The following SNTB2 variants were observed in gnomAD, a reference collection of about 807,000 sequenced individuals.
SNTB2 encodes syntrophin beta 2, also known as beta-2-syntrophin.
Under a neutral mutation model 46.2 loss-of-function variants are expected in SNTB2, and 34 were observed. That is an observed-to-expected ratio of 0.74 (90% CI 0.56 to 0.98). SNTB2 has a LOEUF of 0.98. Ranked by LOEUF, SNTB2 falls within the 50% of genes least tolerant of loss-of-function variation. SNTB2 has a pLI of 0.00. For synonymous variants in SNTB2, 290 were observed against 312.6 expected (o/e 0.93, Z 0.76); for missense variants, 603 against 731.4 (o/e 0.82, Z 2.02).
At chr16:69,193,802 A>G (rs1964079004) in intron 1 of SNTB2, among the ~76,000 whole-genome samples, 1 of 152,208 alleles carries the variant, frequency 6.6e-6, no homozygotes, top group Admixed American at 6.5e-5. Context: ...TCGGGACTTC[A>G]GGAAGAGCTG....
intron 2 of SNTB2, among the ~76,000 whole-genome samples, chr16:69,256,579 T>G (rs1000348373): frequency 2.0e-5 from 3 of 152,220 alleles, no homozygotes; most frequent in African/African-American, 7.2e-5. Flanking sequence ...TTATTTCTTC[T>G]TTCGTGACTG....
chr16:69,213,079 A>T (rs1316587163), intron 1 of SNTB2, among the ~76,000 whole-genome samples: 2 of 152,178 alleles, frequency 1.3e-5, no homozygotes, highest in African/African-American at 2.4e-5. Flanking sequence ...GCAGAGTGAC[A>T]GTGGCAAGTC....
At chr16:69,248,360 G>A (rs934500410) in intron 2 of SNTB2, among the ~76,000 whole-genome samples, 5 of 151,912 alleles carry the variant, frequency 3.3e-5, no homozygotes, top group Admixed American at 2.6e-4. Flanking sequence ...TGGGCTGGGC[G>A]AGGTGGCTCA....
intron 5 of SNTB2, among the ~76,000 whole-genome samples, chr16:69,284,705 C>CG (rs1326186414): frequency 4.0e-4 from 61 of 152,098 alleles, no homozygotes; most frequent in Non-Finnish European, 6.8e-4. Context: ...ACTCGGGAGG[C>CG]GGAGGTTGCA....
chr16:69,240,373 C>CTG (rs1964599378), intron 1 of SNTB2, among the ~76,000 whole-genome samples: 1 of 152,290 alleles, frequency 6.6e-6, no homozygotes, highest in South Asian at 2.1e-4. Flanking sequence ...GAGACTTGAG[C>CTG]TGAAAGACAC....
At chr16:69,252,985 C>T (rs1365803566) in intron 2 of SNTB2, among the ~76,000 whole-genome samples, 3 of 151,266 alleles carry the variant, frequency 2.0e-5, no homozygotes, top group Admixed American at 2.0e-4. Flanking sequence ...CTGCAAGCTC[C>T]ACCTCCCGGG....
chr16:69,287,107 T>C (rs559964719), intron 5 of SNTB2, among the ~76,000 whole-genome samples: 81 of 152,316 alleles, frequency 5.3e-4, no homozygotes, highest in African/African-American at 1.9e-3. Flanking sequence ...GGAAATAAGG[T>C]TGGTTTCTTT....
At chr16:69,237,246 G>GA (rs1224665896) in intron 1 of SNTB2, among the ~76,000 whole-genome samples, 2 of 150,392 alleles carry the variant, frequency 1.3e-5, no homozygotes, top group African/African-American at 4.9e-5. Flanking sequence ...GATAGGAGGA[G>GA]AAAAAAGGCA....
intron 1 of SNTB2, among the ~76,000 whole-genome samples, chr16:69,209,909 A>G (rs1438190940): frequency 6.6e-6 from 1 of 152,148 alleles, no homozygotes; most frequent in Non-Finnish European, 1.5e-5. Context: ...TCAAAATGCT[A>G]AAAGTTTAGC....
intron 5 of SNTB2, among the ~76,000 whole-genome samples, chr16:69,289,822 T>A (rs559969793): frequency 6.6e-6 from 1 of 152,178 alleles, no homozygotes; most frequent in South Asian, 2.1e-4. Flanking sequence ...CTCAGGAGGC[T>A]GAGGTAGGAG....
chr16:69,254,323 C>T (rs536125813), intron 2 of SNTB2, among the ~76,000 whole-genome samples: 49 of 152,300 alleles, frequency 3.2e-4, no homozygotes, highest in African/African-American at 1.1e-3. Context: ...ACCGCTTCCC[C>T]GGCCTCTTAG....
At position 69,292,390 on chromosome 16, in the gene SNTB2, T is replaced by TTATATATA. The variant is rs1233537704; in HGVS notation, c.1346-7190_1346-7183dup. 1.2e-3 allele frequency among the ~76,000 whole-genome samples: 15 copies of TTATATATA among 12,764 alleles called. 1 individual carries two copies. Among genetic ancestry groups the TTATATATA allele is most frequent in the African/African-American group, 7.0e-3 (13 of 1,858 alleles). 8.4% of individuals were successfully genotyped at this position (12,764 alleles called of 152,430 possible). On this transcript the variant is annotated intron_variant, in intron 5 of 6. Transcript: ENST00000336278. ...TATATATATATATATTATATATATA[T>TTATATATA]TATATATATATATATATTATATATA...
At chr16:69,213,149 C>G (rs1259327258) in intron 1 of SNTB2, among the ~76,000 whole-genome samples, 3 of 151,774 alleles carry the variant, frequency 2.0e-5, no homozygotes, top group Admixed American at 1.3e-4. Context: ...ATAACGTGCC[C>G]ATTTTATAAG....
At chr16:69,272,401 G>A (rs959095803) in intron 4 of SNTB2, among the ~76,000 whole-genome samples, 1 of 150,606 alleles carries the variant, frequency 6.6e-6, no homozygotes, top group East Asian at 2.0e-4. Context: ...ATTAGCCAGT[G>A]TGGTGTTGCA....
intron 3 of SNTB2, 28 bp from the exon 4 acceptor site, chr16:69,270,115 T>C: frequency 1.2e-6 from 2 of 1,613,348 alleles, no homozygotes; most frequent in Non-Finnish European, 1.7e-6. Context: ...TAGTTAGCCC[T>C]GATTTCTGAA....
chr16:69,218,673 G>A (rs545792225), intron 1 of SNTB2, among the ~76,000 whole-genome samples: 2 of 152,028 alleles, frequency 1.3e-5, no homozygotes, highest in South Asian at 4.1e-4. Flanking sequence ...CACCTGCCTC[G>A]GCCTCCCAAA....
chr16:69,223,637 T>G (rs1427401309), intron 1 of SNTB2, among the ~76,000 whole-genome samples: 4 of 139,478 alleles, frequency 2.9e-5, no homozygotes, highest in African/African-American at 1.3e-4. Context: ...GACAGTTTTG[T>G]TTTTTTTTTG....
intron 1 of SNTB2, among the ~76,000 whole-genome samples, chr16:69,229,568 G>A (rs117028630): frequency 0.026 from 3,945 of 149,394 alleles, 71 homozygotes; most frequent in Non-Finnish European, 0.038. Context: ...GGCCTGGTGC[G>A]GTGGCTCACA....
chr16:69,242,857 T>G (rs1254888950), intron 1 of SNTB2, among the ~76,000 whole-genome samples: 1 of 151,928 alleles, frequency 6.6e-6, no homozygotes, highest in African/African-American at 2.4e-5. Context: ...CCGTCTCTAC[T>G]AAAAATACAA....
Sources: allele counts gnomAD v4.1 joint callset (sites outside exome capture counted in the v4.1 genomes callset), GRCh38; gene constraint gnomAD v4.1.1; transcripts MANE v1.5; gene names NCBI Gene and HGNC (gene_info 2026-07-23, HGNC 2026-07-21).